The following CMTM1 variants were observed in gnomAD, a reference collection of about 807,000 sequenced individuals.
CMTM1 encodes the protein CKLF like MARVEL transmembrane domain containing 1, also known as CKLF-like MARVEL transmembrane domain-containing protein 1.
In CMTM1, 16 loss-of-function variants were observed where a neutral mutation model predicts 17.8. That is an observed-to-expected ratio of 0.90 (90% CI 0.61 to 1.37). The LOEUF is 1.37. Among genes scored for constraint, CMTM1 ranks in the 40% most tolerant of loss-of-function variants. The probability of loss-of-function intolerance (pLI) is 0.00; values close to 1 mark genes in which losing one functional copy is unlikely to be tolerated. For missense variants in CMTM1, 354 were observed against 375.6 expected, an observed-to-expected ratio of 0.94 and a Z score of 0.47; for synonymous variants, 169 against 154.6, an observed-to-expected ratio of 1.09 and a Z score of -0.69.
intron 1 of CMTM1, 145 bp from the exon 2 acceptor site, chr16:66,569,791 C>A (rs753493966): frequency 3.5e-6 from 2 of 569,230 alleles, no homozygotes; most frequent in Non-Finnish European, 6.0e-6. Context: ...TCATGTATTT[C>A]ATTTCTTCAA....
Position 66,570,114 on chromosome 16 carries a change from AT to A in CMTM1, c.591+22del. 1.3e-6 allele frequency: 2 copies of A among 1,572,602 alleles called. No homozygotes were observed. Among genetic ancestry groups the A allele is most frequent in the Non-Finnish European group, 1.7e-6 (2 of 1,161,786 alleles). On this transcript the variant is annotated intron_variant, in intron 2 of 3. Transcript: ENST00000379500. Reference sequence around the variant, plus strand: ...TTACTTGTAAGTGTTCATTTTTACAATTCTTCAAATCCAAGCTTTGCCCTCA... The same window carrying A: ...TTACTTGTAAGTGTTCATTTTTACAATCTTCAAATCCAAGCTTTGCCCTCA...
At chr16:66,574,967 C>A (rs1424663536) in intron 2 of CMTM1, 1 of 985,304 alleles carries the variant, frequency 1.0e-6, no homozygotes, top group African/African-American at 1.7e-5. Context: ...AGCTGCAAAC[C>A]ACTGTACCTG....
At chr16:66,577,628 G>C (rs1252779343) in intron 3 of CMTM1, among the ~76,000 whole-genome samples, 2 of 151,958 alleles carry the variant, frequency 1.3e-5, no homozygotes, top group Non-Finnish European at 2.9e-5. Context: ...AAAGAAGGAA[G>C]AAAGGAAGGA....
intron 1 of CMTM1, among the ~76,000 whole-genome samples, chr16:66,569,725 GAGAA>G (rs1157441598): frequency 2.8e-4 from 42 of 152,172 alleles, no homozygotes; most frequent in African/African-American, 9.4e-4. Context: ...GTTGGGGGAA[GAGAA>G]AGAAATTGGT....
In CMTM1 at chr16:66,566,856, G is replaced by A; in HGVS notation, c.343G>A (p.Glu115Lys). 1.2e-6 allele frequency: 2 copies of A among 1,614,080 alleles called. No homozygotes were observed. The highest frequency in any genetic ancestry group is 1.7e-6 in the Non-Finnish European group (2 of 1,180,024). Residue 115 changes from glutamate (E) to lysine (K), a missense_variant, in exon 1 of 4, where the codon GAG (glutamate) becomes AAG (lysine). By Grantham distance (56) the Glu-to-Lys change is moderately conservative (BLOSUM62 1). Coordinates refer to ENST00000379500, the MANE Select transcript of CMTM1 (RefSeq NM_052999.4). This position sits in a 1 kb window ranked among gnomAD's most constrained non-coding sequence, Gnocchi z 4.9. ...LNEMAIKERVEGRAKVPYKFR... is the reference protein window; with the variant it reads ...LNEMAIKERVKGRAKVPYKFR... ...TGAGATGGCGATCAAAGAGCGCGTG[G>A]AGGGCCGAGCCAAAGTCCCGTACAA...
Position 66,566,935 on chromosome 16 carries a change from T to A in CMTM1, c.422T>A (p.Ile141Asn). The change falls in exon 1 of 4, where the codon ATC becomes AAC. Residue 141 changes from isoleucine to asparagine, a missense_variant. By Grantham distance (149) the Ile-to-Asn change is moderately radical. Coordinates refer to ENST00000379500, the MANE Select transcript of CMTM1 (RefSeq NM_052999.4). The surrounding 1 kb of genome is among the most constrained non-coding windows in gnomAD (Gnocchi z 4.9). The part of the protein sequence containing the change: ...FSFSPTGMLK[I>N]LRLSLILGAL... ...TTCTCGCCCACTGGAATGTTGAAGATCCTGAGACTGGTGAGCGGAGAGCTG... is the reference window on the plus strand; with the variant it reads ...TTCTCGCCCACTGGAATGTTGAAGAACCTGAGACTGGTGAGCGGAGAGCTG... 2 of 1,614,154 alleles carry A rather than the reference T, an allele frequency of 1.2e-6. No individual in the cohort carries two copies. The highest frequency in any genetic ancestry group is 2.2e-5 in the South Asian group (2 of 91,084).
chr16:66,577,480 C>CT (rs972389726), intron 3 of CMTM1, among the ~76,000 whole-genome samples: 5 of 152,112 alleles, frequency 3.3e-5, no homozygotes, highest in Non-Finnish European at 7.4e-5. Context: ...TAAGCAAGAT[C>CT]TTTTTGTCTA....
chr16:66,566,706 G>T lies in CMTM1; in HGVS notation c.193G>T (p.Ala65Ser). ...AVSIRSAQSA[A>S]AARPQGSEGT... ...CTCAATTCGCAGTGCGCAGTCCGCA[G>T]CCGCCGCACGTCCCCAAGGCAGTGA... The change falls in exon 1 of 4, where the codon GCC becomes TCC. Residue 65 changes from alanine (A) to serine (S), a missense_variant. Physicochemically the swap from Ala to Ser is moderately conservative, Grantham distance 99. Coordinates refer to ENST00000379500, the MANE Select transcript of CMTM1 (RefSeq NM_052999.4). The surrounding 1 kb of genome is among the most constrained non-coding windows in gnomAD (Gnocchi z 4.9). The T allele has an allele frequency of 6.2e-7, 1 of 1,614,000 alleles. No homozygotes were observed.
chr16:66,576,717 C>A (rs1020800533), intron 2 of CMTM1, among the ~76,000 whole-genome samples: 3 of 152,096 alleles, frequency 2.0e-5, no homozygotes, highest in African/African-American at 7.2e-5. Flanking sequence ...GAATAGAATG[C>A]AGAATTTACA....
intron 2 of CMTM1, 83 bp from the exon 3 acceptor site, chr16:66,577,021 C>A: frequency 8.0e-7 from 1 of 1,256,062 alleles, no homozygotes; most frequent in Non-Finnish European, 1.1e-6. Context: ...GGCATCTATT[C>A]TTAGATGTGT....
At position 66,578,818 on chromosome 16, in the gene CMTM1, T is replaced by C; in HGVS notation, c.691-13T>C. On this transcript the variant is annotated splice_polypyrimidine_tract_variant and intron_variant, in intron 3 of 3. Coordinates refer to ENST00000379500, the MANE Select transcript of CMTM1 (RefSeq NM_052999.4). ...CCGTCTTTCCTTCCCGCATATGGTC[T>C]TGTATCTGACAGTCCCTGTGTCTCA... 2 of 1,613,258 alleles carry C rather than the reference T, an allele frequency of 1.2e-6. No individual in the cohort carries two copies. The highest frequency in any genetic ancestry group is 8.5e-7 in the Non-Finnish European group (1 of 1,179,268).
At chr16:66,576,908 T>C (rs958613337) in intron 2 of CMTM1, among the ~76,000 whole-genome samples, 196 bp from the exon 3 acceptor site, 2 of 152,216 alleles carry the variant, frequency 1.3e-5, no homozygotes, top group Admixed American at 1.3e-4. Context: ...GACAAAGTCA[T>C]ATCTAGGATC....
intron 2 of CMTM1, among the ~76,000 whole-genome samples, chr16:66,570,764 C>A (rs2013401216): frequency 6.6e-6 from 1 of 152,174 alleles, no homozygotes; most frequent in Non-Finnish European, 1.5e-5. Flanking sequence ...GCTATGTAAC[C>A]TTTAGCCTCA....
Position 66,569,943 on chromosome 16 carries a change from T to C in CMTM1, c.440T>C (p.Ile147Thr). Residue 147 changes from isoleucine to threonine, a missense_variant, in exon 2 of 4, where the codon ATC (isoleucine) becomes ACC (threonine). Transcript: ENST00000379500. The stretch of plus-strand genomic sequence containing the variant: ...CTGTTTCTTTTATTGCAGAGTCTTA[T>C]CTTAGGAGCATTAGCTTGTTTCATC... ...GMLKILRLSL[I>T]LGALACFIIT... 1.2e-6 allele frequency: 2 copies of C among 1,601,500 alleles called. No homozygotes were observed. The highest frequency in any genetic ancestry group is 1.1e-5 in the South Asian group (1 of 88,224).
intron 1 of CMTM1, among the ~76,000 whole-genome samples, chr16:66,568,993 C>G (rs187729924): frequency 3.9e-5 from 6 of 151,944 alleles, no homozygotes; most frequent in Admixed American, 3.9e-4. Flanking sequence ...ATGATTTAGT[C>G]AGGTGACTCG....
chr16:66,570,214 G>C, intron 2 of CMTM1, 120 bp downstream of exon 2: 1 of 783,054 alleles, frequency 1.3e-6, no homozygotes, highest in East Asian at 2.6e-5. Context: ...GCTGAGCTGT[G>C]ACAGTTAGGG....
chr16:66,577,500 CT>C (rs2144682614), intron 3 of CMTM1, among the ~76,000 whole-genome samples: 1 of 152,154 alleles, frequency 6.6e-6, no homozygotes, highest in South Asian at 2.1e-4. Flanking sequence ...ATAAATAGGA[CT>C]TTGATTTTCT....
At position 66,566,451 on chromosome 16, in the gene CMTM1, C is replaced by G. The variant is rs560416587; in HGVS notation, c.-63C>G. ...CAGCCGTTGGGACGCGACGCTGGTT[C>G]CCAGGGGAGAGCCAGCCGCTGCCGC... On this transcript the variant is annotated 5_prime_UTR_variant, in exon 1 of 4. Coordinates refer to ENST00000379500, the MANE Select transcript of CMTM1 (RefSeq NM_052999.4). The surrounding 1 kb of genome is among the most constrained non-coding windows in gnomAD (Gnocchi z 4.9). The G allele has an allele frequency of 1.3e-6, 2 of 1,499,756 alleles. No individual in the cohort carries two copies. Among genetic ancestry groups the G allele is most frequent in the Non-Finnish European group, 1.8e-6 (2 of 1,126,896 alleles). 92.9% of individuals were successfully genotyped at this position (1,499,756 alleles called of 1,614,324 possible).
chr16:66,569,886 A>G, intron 1 of CMTM1, 50 bp from the exon 2 acceptor site: 2 of 1,397,106 alleles, frequency 1.4e-6, no homozygotes, highest in South Asian at 1.3e-5. Flanking sequence ...CTGACAATGT[A>G]GATTTTTTTA....
Sources: gnomAD v4.1 joint callset for allele counts (sites outside exome capture counted in the v4.1 genomes callset) on GRCh38, gnomAD v4.1.1 for gene constraint, Gnocchi (gnomAD v3.1) non-coding constraint, MANE v1.5 for transcripts, NCBI Gene and HGNC (gene_info 2026-07-23, HGNC 2026-07-21) for gene names.